TENM3: variants seen among roughly 807,000 people sequenced by gnomAD.
The protein encoded by TENM3 is teneurin-3.
A neutral mutation model predicts 255.1 loss-of-function variants in TENM3; 63 were observed. That is an observed-to-expected ratio of 0.25 (90% confidence interval 0.20 to 0.30). The LOEUF (loss-of-function observed/expected upper bound fraction) is 0.30, where lower values mean the gene tolerates loss of function less well. Among genes scored for constraint, TENM3 ranks in the 10% least tolerant of loss-of-function variants. TENM3 has a pLI of 1.00. For synonymous variants in TENM3, 1,306 were observed against 1,322.3 expected, an observed-to-expected ratio of 0.99 and a Z score of 0.27; for missense variants, 2,929 against 3,461.1, an observed-to-expected ratio of 0.85 and a Z score of 3.86.
the TENM3 span, among the ~76,000 whole-genome samples, chr4:182,037,661 T>C: frequency 6.6e-6 from 1 of 152,194 alleles, no homozygotes; most frequent in African/African-American, 2.4e-5. Context: ...TTGGCACATT[T>C]AAATGTTGTT....
chr4:182,446,054 T>A (rs1313755477), intron 3 of TENM3, among the ~76,000 whole-genome samples: 1 of 152,208 alleles, frequency 6.6e-6, no homozygotes, highest in Non-Finnish European at 1.5e-5. Context: ...TCCACAAAAC[T>A]GTGTATCTTT....
intron 2 of TENM3, among the ~76,000 whole-genome samples, chr4:182,335,276 A>T (rs1268506436): frequency 1.4e-4 from 19 of 138,506 alleles, no homozygotes; most frequent in African/African-American, 5.1e-4. Flanking sequence ...AGGCGGGCGG[A>T]TCACGAGGTC....
chr4:182,504,289 A>G (rs1368962742), intron 3 of TENM3, among the ~76,000 whole-genome samples: 1 of 152,068 alleles, frequency 6.6e-6, no homozygotes, highest in Non-Finnish European at 1.5e-5. Context: ...GGCTCTGTGC[A>G]GAGAGAGACG....
intron 1 of TENM3, chr4:182,169,511 G>T: frequency 3.7e-6 from 1 of 268,128 alleles, no homozygotes; most frequent in Non-Finnish European, 7.4e-6. Context: ...GCTTTTTAGA[G>T]GAGAATTTAT....
the TENM3 span, among the ~76,000 whole-genome samples, chr4:181,480,013 T>G: frequency 6.6e-6 from 1 of 152,152 alleles, no homozygotes; most frequent in African/African-American, 2.4e-5. Context: ...TAATTTTATT[T>G]GTATGATCAC....
chr4:181,693,851 T>C, the TENM3 span, among the ~76,000 whole-genome samples: 1 of 152,178 alleles, frequency 6.6e-6, no homozygotes, highest in East Asian at 1.9e-4. Flanking sequence ...TCTGATTGGC[T>C]GGTTAGGTCT....
chr4:181,595,999 ATTTG>A, the TENM3 span, among the ~76,000 whole-genome samples: 3 of 151,952 alleles, frequency 2.0e-5, no homozygotes, highest in East Asian at 5.8e-4. Flanking sequence ...GGCATTTCTC[ATTTG>A]TTTGTCTTTA....
At chr4:182,234,303 C>T (rs974493241) in intron 1 of TENM3, among the ~76,000 whole-genome samples, 3 of 152,170 alleles carry the variant, frequency 2.0e-5, no homozygotes, top group Non-Finnish European at 2.9e-5. Context: ...CGGTTCTCTC[C>T]TTAATCACGG....
At chr4:181,858,637 A>G in the TENM3 span, among the ~76,000 whole-genome samples, 2 of 152,304 alleles carry the variant, frequency 1.3e-5, no homozygotes, top group South Asian at 4.1e-4. Flanking sequence ...TTGTGCTAAG[A>G]TCCAGACCAG....
intron 12 of TENM3, among the ~76,000 whole-genome samples, chr4:182,703,675 A>T (rs1758062288): frequency 6.6e-6 from 1 of 152,278 alleles, no homozygotes; most frequent in African/African-American, 2.4e-5. Context: ...TCATAAAATA[A>T]ATCATAATGT....
chr4:181,877,497 T>A, the TENM3 span, among the ~76,000 whole-genome samples: 1 of 152,192 alleles, frequency 6.6e-6, no homozygotes, highest in African/African-American at 2.4e-5. Context: ...TAGTTTTACC[T>A]CTTCTATGAG....
At chr4:182,397,434 A>G (rs1368596461) in intron 3 of TENM3, among the ~76,000 whole-genome samples, 1 of 147,940 alleles carries the variant, frequency 6.8e-6, no homozygotes, top group Non-Finnish European at 1.5e-5. Flanking sequence ...AAAAAATCAA[A>G]CAAGAGGTAA....
chr4:182,774,151 C>A (rs1041156220), intron 23 of TENM3, among the ~76,000 whole-genome samples: 1 of 152,140 alleles, frequency 6.6e-6, no homozygotes, highest in Non-Finnish European at 1.5e-5. Flanking sequence ...CCATAATGGA[C>A]CCTCCTTGCC....
chr4:182,686,565 T>C (rs1237182862), intron 11 of TENM3, among the ~76,000 whole-genome samples: 5 of 152,072 alleles, frequency 3.3e-5, no homozygotes, highest in African/African-American at 1.2e-4. Flanking sequence ...CGAAGAAACA[T>C]TGGTTAAGCT....
the TENM3 span, among the ~76,000 whole-genome samples, chr4:181,663,297 G>A: frequency 2.0e-5 from 3 of 152,066 alleles, no homozygotes; most frequent in East Asian, 5.8e-4. Flanking sequence ...TCAGTTGGTG[G>A]AAATGGAGGT....
intron 3 of TENM3, among the ~76,000 whole-genome samples, chr4:182,417,142 T>G (rs1770441781): frequency 6.6e-6 from 1 of 151,372 alleles, no homozygotes; most frequent in African/African-American, 2.4e-5. Context: ...CCCAGCTAAT[T>G]TTTTTTTGTA....
At chr4:181,752,012 T>G in the TENM3 span, among the ~76,000 whole-genome samples, 3 of 152,198 alleles carry the variant, frequency 2.0e-5, no homozygotes, top group Non-Finnish European at 4.4e-5. Context: ...TTGGCTTTCT[T>G]GCATATTATT....
At chr4:182,694,031 A>T (rs1757201088) in intron 12 of TENM3, among the ~76,000 whole-genome samples, 1 of 152,212 alleles carries the variant, frequency 6.6e-6, no homozygotes, top group Non-Finnish European at 1.5e-5. Context: ...ATCTAGTCTC[A>T]TAATGGATAT....
chr4:181,788,889 C>A, the TENM3 span, among the ~76,000 whole-genome samples: 16 of 152,162 alleles, frequency 1.1e-4, no homozygotes, highest in Admixed American at 1.0e-3. Flanking sequence ...TGAGCCACTG[C>A]GCCTAGCCCT....
Sources: gnomAD v4.1 joint callset for allele counts (sites outside exome capture counted in the v4.1 genomes callset) on GRCh38, gnomAD v4.1.1 for gene constraint, MANE v1.5 for transcripts, NCBI Gene and HGNC (gene_info 2026-07-23, HGNC 2026-07-21) for gene names.